The following SRPK2 variants were observed in gnomAD, a reference collection of about 807,000 sequenced individuals.
The protein encoded by SRPK2 is SFRS protein kinase 2.
A neutral mutation model predicts 90.8 loss-of-function variants in SRPK2; 21 were observed. The observed-to-expected ratio is 0.23, with a 90% CI of 0.16 to 0.33. SRPK2 has a LOEUF of 0.33. Among genes scored for constraint, SRPK2 ranks in the 10% least tolerant of loss-of-function variants. The pLI, the probability that SRPK2 is intolerant of heterozygous loss-of-function variation, is 1.00. For missense variants in SRPK2, 620 were observed against 869.0 expected (o/e 0.71, Z 3.60); for synonymous variants, 288 against 311.1 (o/e 0.93, Z 0.78).
rs141132558 is a variant in SRPK2, at chr7:105,169,123, G to A, written c.338+34C>T. 6.5e-5 allele frequency: 103 copies of A among 1,578,464 alleles called. No individual in the cohort carries two copies. The African/African-American group carries it at 1.3e-3, about 20-fold the overall frequency. On this transcript the variant is annotated intron_variant, in intron 4 of 15. Transcript: ENST00000393651. ...AGAACACAGATGTTGAACTACTCCA[G>A]GAAACAAATGCACAAATGACAAAGA...
At chr7:105,144,130 A>C (rs1028134292) in intron 9 of SRPK2, 1 of 152,434 alleles carries the variant, frequency 6.6e-6, no homozygotes, top group Non-Finnish European at 1.5e-5. Flanking sequence ...GCTGGAGTGC[A>C]GTGGCGTGAT....
At chr7:105,128,906 G>GA (rs984557664) in intron 13 of SRPK2, among the ~76,000 whole-genome samples, 10 of 151,930 alleles carry the variant, frequency 6.6e-5, no homozygotes, top group African/African-American at 2.2e-4. Flanking sequence ...TGTATTCTTT[G>GA]AAAAAAATCA....
At chr7:105,232,993 C>T (rs886381779) in intron 2 of SRPK2, among the ~76,000 whole-genome samples, 2 of 150,952 alleles carry the variant, frequency 1.3e-5, no homozygotes, top group African/African-American at 4.9e-5. Flanking sequence ...GCACTCCAGC[C>T]TAGGCAAAGG....
At chr7:105,157,594 G>C (rs568226350) in intron 7 of SRPK2, among the ~76,000 whole-genome samples, 1 of 152,280 alleles carries the variant, frequency 6.6e-6, no homozygotes, top group South Asian at 2.1e-4. Context: ...TTTTCTTAAA[G>C]AAAGATGGGT....
intron 2 of SRPK2, among the ~76,000 whole-genome samples, chr7:105,334,878 A>T (rs1255960137): frequency 6.7e-6 from 1 of 150,344 alleles, no homozygotes; most frequent in African/African-American, 2.5e-5. Flanking sequence ...CTTAAAGAAC[A>T]CTACTTATTG....
At chr7:105,388,481 C>T (rs2132847280) in intron 2 of SRPK2, among the ~76,000 whole-genome samples, 167 bp downstream of exon 2, 1 of 147,450 alleles carries the variant, frequency 6.8e-6, no homozygotes, top group East Asian at 2.0e-4. Flanking sequence ...CCCCCGCCGC[C>T]GCCCCTCCCC....
intron 2 of SRPK2, among the ~76,000 whole-genome samples, chr7:105,303,353 A>T (rs1810792028): frequency 6.6e-6 from 1 of 152,014 alleles, no homozygotes. Context: ...TAGGAGAAAC[A>T]CCTAATGTAA....
chr7:105,389,364 AC>A (rs1822073507), upstream of SRPK2: 1 of 1,270,382 alleles, frequency 7.9e-7, no homozygotes, highest in Non-Finnish European at 1.0e-6. Flanking sequence ...CATCCTTGCA[AC>A]CCCATGAGCG....
rs542049668 is a variant in SRPK2 at position 105,336,097 on chromosome 7, T to A, written c.71+52551A>T. Among the ~76,000 whole-genome samples the A allele has an allele frequency of 3.5e-4, 54 of 152,244 alleles. 1 individual carries two copies. Among genetic ancestry groups the A allele is most frequent in the Non-Finnish European group, 5.4e-4 (37 of 68,042 alleles). Reference sequence around the variant, plus strand: ...GTTATCTTATTTACAATTTATAGTATTTTTCTTGAACTTTTCTTAAAAATA... The same window carrying A: ...GTTATCTTATTTACAATTTATAGTAATTTTCTTGAACTTTTCTTAAAAATA... On this transcript the variant is annotated intron_variant, in intron 2 of 15. Coordinates refer to ENST00000393651, the MANE Select transcript of SRPK2 (RefSeq NM_182692.3).
At chr7:105,163,008 CAGCAGTT>C (rs1164420664) in intron 6 of SRPK2, among the ~76,000 whole-genome samples, 3 of 152,194 alleles carry the variant, frequency 2.0e-5, no homozygotes, top group African/African-American at 7.2e-5. Flanking sequence ...AAAATATACT[CAGCAGTT>C]AGCAGAAATT....
chr7:105,151,955 C>T (rs767668297), intron 7 of SRPK2, among the ~76,000 whole-genome samples: 5 of 146,808 alleles, frequency 3.4e-5, no homozygotes, highest in South Asian at 2.2e-4. Flanking sequence ...ACCCAGAAAG[C>T]GGTGGTTGCA....
chr7:105,333,203 C>T (rs953287679), intron 2 of SRPK2, among the ~76,000 whole-genome samples: 6 of 151,920 alleles, frequency 3.9e-5, no homozygotes, highest in South Asian at 2.1e-4. Context: ...AACAAACAAA[C>T]AAATAAATAA....
chr7:105,205,946 C>T (rs1796180331), intron 2 of SRPK2: 1 of 518,872 alleles, frequency 1.9e-6, no homozygotes, highest in South Asian at 1.4e-5. Flanking sequence ...CACACACACA[C>T]ATTGAGTTTG....
chr7:105,133,017 T>C lies in SRPK2; in HGVS notation c.1631A>G (p.Asn544Ser). The C allele has an allele frequency of 6.2e-7, 1 of 1,614,194 alleles. No individual in the cohort carries two copies. The highest frequency in any genetic ancestry group is 8.5e-7 in the Non-Finnish European group (1 of 1,180,016). The change falls in exon 12 of 16, where the codon AAT becomes AGT. Residue 544 changes from asparagine (N) to serine (S), a missense_variant. This residue lies in a region of SRPK2 where 20 missense variants were observed against 54.3 expected (regional missense o/e 0.37). Transcript: ENST00000393651. The stretch of plus-strand genomic sequence containing the variant: ...AACTCTACTTACCACCCAACAAGCA[T>C]TTCCCAGGTCAGCAATTTTTACTCT... ...KIRVKIADLG[N>S]ACWVHKHFTE...
At chr7:105,339,422 A>G (rs1815485104) in intron 2 of SRPK2, among the ~76,000 whole-genome samples, 1 of 152,206 alleles carries the variant, frequency 6.6e-6, no homozygotes, top group African/African-American at 2.4e-5. Flanking sequence ...GAATATAATG[A>G]TTAAGAGACA....
chr7:105,352,581 A>T (rs1222161341), intron 2 of SRPK2, among the ~76,000 whole-genome samples: 1 of 152,250 alleles, frequency 6.6e-6, no homozygotes, highest in African/African-American at 2.4e-5. Flanking sequence ...CTTCACAGTA[A>T]CTTGTTATGT....
chr7:105,238,849 G>C (rs915978681), intron 2 of SRPK2, among the ~76,000 whole-genome samples: 5 of 152,026 alleles, frequency 3.3e-5, no homozygotes, highest in Non-Finnish European at 7.4e-5. Flanking sequence ...CCACCACCTA[G>C]ACCGAAATAC....
At chr7:105,287,352 G>C (rs1241546054) in intron 2 of SRPK2, among the ~76,000 whole-genome samples, 3 of 150,810 alleles carry the variant, frequency 2.0e-5, no homozygotes, top group Non-Finnish European at 4.4e-5. Flanking sequence ...TCACAAAGTA[G>C]CTTGTAGAAT....
At chr7:105,317,891 G>C (rs779417115) in intron 2 of SRPK2, among the ~76,000 whole-genome samples, 4 of 151,852 alleles carry the variant, frequency 2.6e-5, no homozygotes, top group African/African-American at 9.7e-5. Context: ...TGGGACTATA[G>C]GTGTGCACCA....
Sources: allele counts gnomAD v4.1 joint callset (sites outside exome capture counted in the v4.1 genomes callset), GRCh38; gene constraint gnomAD v4.1.1; regional missense constraint gnomAD v4.1.1; transcripts MANE v1.5; gene names NCBI Gene and HGNC (gene_info 2026-07-23, HGNC 2026-07-21).